Variants in RABGAP1L observed in about 807,000 individuals in gnomAD.
RABGAP1L encodes the protein rab GTPase-activating protein 1-like.
Under a neutral mutation model 137.7 loss-of-function variants are expected in RABGAP1L, and 63 were observed. The ratio of observed to expected loss-of-function variants is 0.46; its 90% CI spans 0.37 to 0.56. RABGAP1L has a LOEUF of 0.56. RABGAP1L is among the 20% of genes least tolerant of loss of function. The probability of loss-of-function intolerance (pLI) is 0.00; values close to 1 mark genes in which losing one functional copy is unlikely to be tolerated. For synonymous variants in RABGAP1L, 431 were observed against 433.7 expected (o/e 0.99, Z 0.08); for missense variants, 1,095 against 1,244.0 (o/e 0.88, Z 1.80).
chr1:174,476,086 A>G (rs1658477087), intron 13 of RABGAP1L, among the ~76,000 whole-genome samples: 1 of 152,118 alleles, frequency 6.6e-6, no homozygotes. Flanking sequence ...GTGAGAGTTA[A>G]TTCTTACTTT....
rs141734814 is a variant in RABGAP1L, at chr1:174,862,733, C to T, written c.2340+50773C>T. 4.1e-3 allele frequency among the ~76,000 whole-genome samples: 628 copies of T among 151,904 alleles called. 5 individuals are homozygous for T. Among genetic ancestry groups the T allele is most frequent in the African/African-American group, 0.014 (561 of 41,418 alleles). On this transcript the variant is annotated intron_variant, in intron 19 of 25. Coordinates refer to ENST00000681986, the MANE Select transcript of RABGAP1L (RefSeq NM_001366446.1). ...TGCACTTTAGCCCTACGGAAGAGGA[C>T]GTTGCTTAGCAACTGCCTAAATAAC... is the stretch of plus-strand genomic sequence containing the variant.
At chr1:174,882,011 G>A (rs577727841) in intron 19 of RABGAP1L, among the ~76,000 whole-genome samples, 18 of 152,014 alleles carry the variant, frequency 1.2e-4, no homozygotes, top group East Asian at 1.9e-4. Context: ...ATAGGCATGC[G>A]CCACCATGCC....
chr1:174,544,558 G>A (rs920600732), intron 13 of RABGAP1L, among the ~76,000 whole-genome samples: 3 of 152,020 alleles, frequency 2.0e-5, no homozygotes, highest in East Asian at 3.9e-4. Context: ...CCTTTAGCTC[G>A]GATAAGTTCG....
At chr1:174,941,681 AAAACG>A (rs1277613707) in intron 19 of RABGAP1L, among the ~76,000 whole-genome samples, 6 of 115,490 alleles carry the variant, frequency 5.2e-5, no homozygotes, top group African/African-American at 2.0e-4. Flanking sequence ...CTCCCCCACC[AAAACG>A]AAACAAAACA....
At chr1:174,982,685 A>T in intron 23 of RABGAP1L, 149 bp from the exon 24 acceptor site, 1 of 717,658 alleles carries the variant, frequency 1.4e-6, no homozygotes, top group Non-Finnish European at 2.3e-6. Context: ...CTCATTTCCG[A>T]AATGACTGGC....
chr1:174,620,127 T>A (rs1235711170), intron 13 of RABGAP1L, among the ~76,000 whole-genome samples: 3 of 152,106 alleles, frequency 2.0e-5, no homozygotes, highest in Non-Finnish European at 4.4e-5. Flanking sequence ...GCACCCAGAT[T>A]CATAATGGAA....
intron 13 of RABGAP1L, among the ~76,000 whole-genome samples, chr1:174,466,768 G>A (rs1161303421): frequency 6.6e-6 from 1 of 152,106 alleles, no homozygotes; most frequent in Non-Finnish European, 1.5e-5. Context: ...GTCTGGGCGA[G>A]AGAGCGAGAC....
At chr1:174,904,259 T>C (rs893397819) in intron 19 of RABGAP1L, among the ~76,000 whole-genome samples, 3 of 152,060 alleles carry the variant, frequency 2.0e-5, no homozygotes, top group African/African-American at 7.2e-5. Flanking sequence ...ATAATCCCTG[T>C]ACTTTGGTGG....
intron 19 of RABGAP1L, among the ~76,000 whole-genome samples, chr1:174,871,872 A>G (rs1263693139): frequency 2.6e-5 from 4 of 152,230 alleles, no homozygotes; most frequent in African/African-American, 9.6e-5. Flanking sequence ...CTTCATTTTG[A>G]GTGATAACAA....
chr1:174,720,861 A>C (rs545390406), intron 17 of RABGAP1L, among the ~76,000 whole-genome samples: 1 of 152,226 alleles, frequency 6.6e-6, no homozygotes, highest in Non-Finnish European at 1.5e-5. Flanking sequence ...CAGCCTTGCA[A>C]ATATACTAAA....
chr1:174,656,485 T>C (rs1426408550), intron 14 of RABGAP1L, among the ~76,000 whole-genome samples: 1 of 152,144 alleles, frequency 6.6e-6, no homozygotes, highest in Non-Finnish European at 1.5e-5. Flanking sequence ...AGAATAAATG[T>C]ACAATTCATT....
chr1:174,628,128 AGT>A (rs1251506110), intron 13 of RABGAP1L, among the ~76,000 whole-genome samples: 1 of 152,128 alleles, frequency 6.6e-6, no homozygotes, highest in East Asian at 1.9e-4. Flanking sequence ...CTGGGGCCAG[AGT>A]GTGTATTAGT....
rs140266454 is a variant in RABGAP1L at position 174,710,915 on chromosome 1, C to G, written c.2169+8659C>G. Among the ~76,000 whole-genome samples, 1,390 of 152,308 alleles carry G rather than the reference C, an allele frequency of 9.1e-3. 23 individuals carry two copies. Among genetic ancestry groups the G allele is most frequent in the African/African-American group, 0.032 (1,335 of 41,562 alleles). ...CAAGACCCATTGGTGTGCTGTGGAG[C>G]AGGGGGCGGTGCTCATCGGGGAGGC... On this transcript the variant is annotated intron_variant, in intron 17 of 25. Transcript: ENST00000681986.
chr1:174,462,106 A>G (rs1192003960), intron 13 of RABGAP1L, among the ~76,000 whole-genome samples: 1 of 152,130 alleles, frequency 6.6e-6, no homozygotes, highest in Non-Finnish European at 1.5e-5. Flanking sequence ...TTTGAAGCTC[A>G]TCACCAACTT....
intron 19 of RABGAP1L, among the ~76,000 whole-genome samples, chr1:174,922,976 C>A (rs1662069316): frequency 6.6e-6 from 1 of 151,960 alleles, no homozygotes; most frequent in Non-Finnish European, 1.5e-5. Flanking sequence ...GAATTTGAGA[C>A]CAGCCCGGGC....
chr1:174,537,752 A>G (rs529334378), intron 13 of RABGAP1L, among the ~76,000 whole-genome samples: 31 of 152,334 alleles, frequency 2.0e-4, no homozygotes, highest in Admixed American at 1.8e-3. Flanking sequence ...GTGGAAAAGT[A>G]TGATTCTGAT....
intron 4 of RABGAP1L, among the ~76,000 whole-genome samples, chr1:174,233,277 T>TTA (rs755458541): frequency 1.3e-5 from 2 of 149,546 alleles, no homozygotes; most frequent in African/African-American, 2.5e-5. Context: ...TTTTTTTTTT[T>TTA]ATTATACTTT....
intron 13 of RABGAP1L, among the ~76,000 whole-genome samples, chr1:174,512,487 T>C (rs1662439652): frequency 6.6e-6 from 1 of 152,206 alleles, no homozygotes; most frequent in Non-Finnish European, 1.5e-5. Context: ...ACATAAGAAG[T>C]GAGTGTTTAA....
At chr1:174,802,685 A>G (rs1025711036) in intron 18 of RABGAP1L, among the ~76,000 whole-genome samples, 2 of 152,238 alleles carry the variant, frequency 1.3e-5, no homozygotes, top group African/African-American at 2.4e-5. Flanking sequence ...ACACAGTTGC[A>G]CTTGAAAAAT....
Sources: allele counts gnomAD v4.1 joint callset (sites outside exome capture counted in the v4.1 genomes callset), GRCh38; gene constraint gnomAD v4.1.1; transcripts MANE v1.5; gene names NCBI Gene and HGNC (gene_info 2026-07-23, HGNC 2026-07-21).